Variants in C19orf47 observed in about 807,000 individuals in gnomAD.
C19orf47 encodes chromosome 19 open reading frame 47, also known as uncharacterized protein C19orf47.
C19orf47 carries 18 observed loss-of-function variants against 32.3 expected under a neutral mutation model. That is an observed-to-expected ratio of 0.56 (90% confidence interval 0.39 to 0.83). The LOEUF (loss-of-function observed/expected upper bound fraction) is 0.83. Among genes scored for constraint, C19orf47 ranks in the 40% least tolerant of loss-of-function variants. C19orf47 has a pLI of 0.00. For missense variants in C19orf47, 484 were observed against 531.6 expected, an observed-to-expected ratio of 0.91 and a Z score of 0.88; for synonymous variants, 202 against 211.1, an observed-to-expected ratio of 0.96 and a Z score of 0.37.
At chr19:40,347,872 C>G (rs1257534383) in intron 1 of C19orf47, among the ~76,000 whole-genome samples, 1 of 152,116 alleles carries the variant, frequency 6.6e-6, no homozygotes, top group East Asian at 1.9e-4. Flanking sequence ...TCATCAGAAT[C>G]CTCAAGACGA....
chr19:40,335,402 G>T (rs975603330), intron 4 of C19orf47, among the ~76,000 whole-genome samples: 1 of 152,100 alleles, frequency 6.6e-6, no homozygotes, highest in Admixed American at 6.5e-5. Flanking sequence ...ATTACAGAGG[G>T]ACCCAAATAC....
the C19orf47 span, among the ~76,000 whole-genome samples, chr19:40,297,872 CA>C: frequency 1.0e-3 from 109 of 104,956 alleles, no homozygotes; most frequent in African/African-American, 1.3e-3. Flanking sequence ...GACTCCGTCT[CA>C]AAAAAAAAAA....
chr19:40,293,631 A>C, the C19orf47 span, among the ~76,000 whole-genome samples: 3 of 150,908 alleles, frequency 2.0e-5, no homozygotes, highest in African/African-American at 7.3e-5. Flanking sequence ...ACACCAGGCT[A>C]ATTTTTCTAT....
At chr19:40,302,501 GC>G in the C19orf47 span, among the ~76,000 whole-genome samples, 398 of 152,120 alleles carry the variant, frequency 2.6e-3, no homozygotes, top group Non-Finnish European at 4.4e-3. Context: ...TTGCCATGTT[GC>G]CCAGGCTGGT....
chr19:40,323,926 G>A (rs1191695344), intron 8 of C19orf47, 80 bp downstream of exon 8: 1 of 1,545,386 alleles, frequency 6.5e-7, no homozygotes, highest in Non-Finnish European at 8.9e-7. Flanking sequence ...GTGAGGTTGA[G>A]ATGTGTTAAA....
Position 40,328,371 on chromosome 19 carries a change from T to C in C19orf47, c.439+42A>G, listed in dbSNP as rs1225324228. 3 of 1,604,566 alleles carry C rather than the reference T, an allele frequency of 1.9e-6. No individual in the cohort carries two copies. In the East Asian group the frequency reaches 6.8e-5, roughly 36 times the overall value. On this transcript the variant is annotated intron_variant, in intron 6 of 8. Coordinates refer to ENST00000683109, the MANE Select transcript of C19orf47 (RefSeq NM_001256441.2). ...CCCCAACACCTCCTACCAACCCACG[T>C]TCCCCTCCAGCTCCTCCTACCACCT...
chr19:40,338,714 TG>T (rs1475904700), intron 2 of C19orf47, among the ~76,000 whole-genome samples: 8 of 151,980 alleles, frequency 5.3e-5, no homozygotes, highest in African/African-American at 1.4e-4. Flanking sequence ...GACAGAGTTT[TG>T]CCATGTTGCC....
chr19:40,330,814 A>G (rs538219544), intron 5 of C19orf47, among the ~76,000 whole-genome samples: 127 of 152,250 alleles, frequency 8.3e-4, no homozygotes, highest in Non-Finnish European at 1.4e-3. Flanking sequence ...ATGGGCCACC[A>G]TACCCAGCTG....
chr19:40,331,386 G>A (rs1034476987), intron 5 of C19orf47, among the ~76,000 whole-genome samples: 2 of 152,186 alleles, frequency 1.3e-5, no homozygotes, highest in Non-Finnish European at 2.9e-5. Flanking sequence ...CCGTCAACCC[G>A]GCTTCAACCT....
the C19orf47 span, among the ~76,000 whole-genome samples, chr19:40,314,478 C>T: frequency 2.6e-5 from 4 of 152,150 alleles, no homozygotes; most frequent in African/African-American, 9.7e-5. Flanking sequence ...CTGGAACCAA[C>T]TGAAAGAGCT....
At position 40,348,394 on chromosome 19, in the gene C19orf47, C is replaced by A; in HGVS notation, c.-104G>T. 1 of 1,471,778 alleles carries A rather than the reference C, an allele frequency of 6.8e-7. No individual in the cohort carries two copies. The highest frequency in any genetic ancestry group is 9.0e-7 in the Non-Finnish European group (1 of 1,115,726). 91.2% of individuals were successfully genotyped at this position (1,471,778 alleles called of 1,614,324 possible). A position where few individuals can be genotyped will look rare whatever the true frequency, so the allele number is the denominator to read the frequency against. ...CCGGCGGCGCCAACTGTCAGACACT[C>A]CTCCCCCGGCCCGGGCTGCCCGCCC... is the stretch of plus-strand genomic sequence containing the variant. On this transcript the variant is annotated 5_prime_UTR_variant, in exon 1 of 9. Transcript: ENST00000683109.
At position 40,324,394 on chromosome 19, in the gene C19orf47, G is replaced by C. The variant is rs2077785711; in HGVS notation, c.593-318C>G. ...TCACTTCTTGGGGTCAGGGACCTCTGAGAGAATCTGATGAGTGGTAGTGCA... is the reference window on the plus strand; with the variant it reads ...TCACTTCTTGGGGTCAGGGACCTCTCAGAGAATCTGATGAGTGGTAGTGCA... On this transcript the variant is annotated intron_variant, in intron 7 of 8. Coordinates refer to ENST00000683109, the MANE Select transcript of C19orf47 (RefSeq NM_001256441.2). 4 of 400,298 alleles carry C rather than the reference G, an allele frequency of 1.0e-5. No individual in the cohort carries two copies. In the South Asian group the frequency reaches 1.7e-4, roughly 17 times the overall value. The allele number at this position is 400,298 out of a possible 1,614,324, so 24.8% of individuals were successfully genotyped here.
At chr19:40,325,909 G>A (rs958728735) in intron 7 of C19orf47, among the ~76,000 whole-genome samples, 1 of 152,166 alleles carries the variant, frequency 6.6e-6, no homozygotes, top group African/African-American at 2.4e-5. Flanking sequence ...CAAAGTGCTG[G>A]AATTACAGGT....
At chr19:40,318,208 A>G (rs2145495021), downstream of C19orf47, among the ~76,000 whole-genome samples, 1 of 151,982 alleles carries the variant, frequency 6.6e-6, no homozygotes, top group South Asian at 2.1e-4. Context: ...ACATAGTGAG[A>G]CCTCGTCTCC....
At chr19:40,299,983 C>G in the C19orf47 span, among the ~76,000 whole-genome samples, 17 of 151,566 alleles carry the variant, frequency 1.1e-4, no homozygotes, top group Non-Finnish European at 2.1e-4. Flanking sequence ...GAGCCGAGAT[C>G]GCACCATTGC....
rs761276738 is a variant in C19orf47, at chr19:40,348,284, G to A, written c.-34+40C>T. The A allele has an allele frequency of 7.0e-6, 9 of 1,289,314 alleles. No individual in the cohort carries two copies. The East Asian group carries it at 1.9e-4, about 28-fold the overall frequency. 79.9% of individuals were successfully genotyped at this position (1,289,314 alleles called of 1,614,324 possible). On this transcript the variant is annotated intron_variant, in intron 1 of 8. Coordinates refer to ENST00000683109, the MANE Select transcript of C19orf47 (RefSeq NM_001256441.2). ...CACCCGGACGCCACCCGTCCCTACC[G>A]CAACCGGCCCAGTCCCACCACCCCC...
chr19:40,306,780 A>G, the C19orf47 span, among the ~76,000 whole-genome samples: 2 of 131,718 alleles, frequency 1.5e-5, no homozygotes, highest in Non-Finnish European at 3.1e-5. Flanking sequence ...GCCTGTAAGA[A>G]TGTCATTAAA....
At chr19:40,331,347 C>G (rs1055100381) in intron 5 of C19orf47, among the ~76,000 whole-genome samples, 4 of 152,246 alleles carry the variant, frequency 2.6e-5, no homozygotes, top group African/African-American at 4.8e-5. Context: ...CAGATAACAT[C>G]AGGACAACCA....
downstream of C19orf47, among the ~76,000 whole-genome samples, chr19:40,318,808 T>A (rs1192355366): frequency 4.0e-5 from 6 of 151,710 alleles, no homozygotes; most frequent in African/African-American, 1.5e-4. Context: ...TCACACCCCA[T>A]CCCCAGTGCC....
Sources: gnomAD v4.1 joint callset for allele counts (sites outside exome capture counted in the v4.1 genomes callset) on GRCh38, gnomAD v4.1.1 for gene constraint, MANE v1.5 for transcripts, NCBI Gene and HGNC (gene_info 2026-07-23, HGNC 2026-07-21) for gene names.